SLC16A7: variants seen among roughly 807,000 people sequenced by gnomAD.
The protein encoded by SLC16A7 is solute carrier family 16 member 7, also known as monocarboxylate transporter 2.
Under a neutral mutation model 34.9 loss-of-function variants are expected in SLC16A7, and 33 were observed. That is an observed-to-expected ratio of 0.94 (90% CI 0.72 to 1.26). SLC16A7 has a LOEUF of 1.26. Ranked by LOEUF, SLC16A7 falls within the 50% of genes most tolerant of loss-of-function variation. The pLI is 0.00. For synonymous variants in SLC16A7, 201 were observed against 206.6 expected, an observed-to-expected ratio of 0.97 and a Z score of 0.23; for missense variants, 573 against 578.1, an observed-to-expected ratio of 0.99 and a Z score of 0.09.
intron 3 of SLC16A7, among the ~76,000 whole-genome samples, chr12:59,741,160 C>T (rs1176700100): frequency 2.0e-5 from 3 of 152,014 alleles, no homozygotes; most frequent in Non-Finnish European, 2.9e-5. Flanking sequence ...AGATTCAATG[C>T]CATCCCCATC....
chr12:59,725,345 G>A (rs1057370843), intron 3 of SLC16A7, among the ~76,000 whole-genome samples: 4 of 152,064 alleles, frequency 2.6e-5, no homozygotes, highest in African/African-American at 9.7e-5. Flanking sequence ...AAGAAAGTTA[G>A]GAGTTTTCTG....
chr12:59,644,768 C>G (rs1378615171), intron 1 of SLC16A7, among the ~76,000 whole-genome samples: 1 of 152,150 alleles, frequency 6.6e-6, no homozygotes, highest in African/African-American at 2.4e-5. Context: ...GTTCCTCCCT[C>G]CCCTTTCAAA....
At chr12:59,627,950 T>G (rs1880001437) in intron 1 of SLC16A7, among the ~76,000 whole-genome samples, 2 of 151,284 alleles carry the variant, frequency 1.3e-5, no homozygotes, top group African/African-American at 4.8e-5. Flanking sequence ...TTAATTAATA[T>G]CCACCCAATC....
At chr12:59,626,565 T>G (rs1343088847) in intron 1 of SLC16A7, among the ~76,000 whole-genome samples, 1 of 151,740 alleles carries the variant, frequency 6.6e-6, no homozygotes, top group African/African-American at 2.4e-5. Flanking sequence ...GTAAATACAG[T>G]AGATCCTGAC....
rs753634223 is a variant in SLC16A7 at position 59,779,471 on chromosome 12, G to A, written c.1229G>A (p.Cys410Tyr). 6.2e-7 allele frequency: 1 copy of A among 1,611,386 alleles called. No individual in the cohort carries two copies. The highest frequency in any genetic ancestry group is 8.5e-7 in the Non-Finnish European group (1 of 1,177,844). ...GAATATAAATACATGTACATGTCCT[G>A]TGGGGCTATTGTGGTAGCAGCAAGC... ...TGEYKYMYMS[C>Y]GAIVVAASVW... Residue 410 changes from cysteine to tyrosine, a missense_variant, in exon 6 of 6, where the codon TGT (cysteine) becomes TAT (tyrosine). Physicochemically the swap from Cys to Tyr is radical, Grantham distance 194. Transcript: ENST00000547379.
chr12:59,740,926 C>G (rs906585513), intron 3 of SLC16A7, among the ~76,000 whole-genome samples: 2 of 152,136 alleles, frequency 1.3e-5, no homozygotes, highest in East Asian at 3.9e-4. Context: ...AACAGACAAA[C>G]AGAGAGCCAA....
chr12:59,736,996 T>A (rs1215628180), intron 3 of SLC16A7, among the ~76,000 whole-genome samples: 1 of 152,238 alleles, frequency 6.6e-6, no homozygotes, highest in Non-Finnish European at 1.5e-5. Flanking sequence ...CTTCTCTGAC[T>A]GACTTCCAAT....
chr12:59,751,448 T>A (rs1879544310), intron 3 of SLC16A7, among the ~76,000 whole-genome samples: 1 of 152,218 alleles, frequency 6.6e-6, no homozygotes. Flanking sequence ...ACCAGGAGAT[T>A]ATATCCTGCA....
chr12:59,676,870 G>A (rs557344661), intron 2 of SLC16A7, among the ~76,000 whole-genome samples: 1 of 152,104 alleles, frequency 6.6e-6, no homozygotes, highest in South Asian at 2.1e-4. Context: ...AAGATTTTAA[G>A]TAACATTTGC....
At chr12:59,723,856 C>CT (rs774507817) in intron 3 of SLC16A7, among the ~76,000 whole-genome samples, 4 of 151,834 alleles carry the variant, frequency 2.6e-5, no homozygotes, top group African/African-American at 9.7e-5. Flanking sequence ...GTTTATATTG[C>CT]TTTTTTTGTT....
Position 59,775,125 on chromosome 12 carries a change from TTGA to T in SLC16A7, c.834_836del (p.Asp278del), listed in dbSNP as rs1191427894. Reference sequence around the variant, plus strand: ...GCTCCATATGCTAAAGACCAAGGAATTGATGAGTACTCGGCAGCTTTTCTGCTA... The same window carrying T: ...GCTCCATATGCTAAAGACCAAGGAATTGAGTACTCGGCAGCTTTTCTGCTA... On this transcript the variant is annotated inframe_deletion, in exon 5 of 6. Coordinates refer to ENST00000547379, the MANE Select transcript of SLC16A7 (RefSeq NM_001270623.2). 2 of 1,614,044 alleles carry T rather than the reference TTGA, an allele frequency of 1.2e-6. No individual in the cohort carries two copies. Among genetic ancestry groups the T allele is most frequent in the African/African-American group, 1.3e-5 (1 of 74,940 alleles).
chr12:59,690,895 GTA>G (rs2137095320), intron 2 of SLC16A7, among the ~76,000 whole-genome samples: 1 of 151,650 alleles, frequency 6.6e-6, no homozygotes, highest in African/African-American at 2.4e-5. Context: ...CTTTCCTCAA[GTA>G]TGATAGAAAT....
chr12:59,775,365 T>C lies in SLC16A7; in HGVS notation c.1070T>C (p.Val357Ala), dbSNP rs767720934. 1.2e-6 allele frequency: 2 copies of C among 1,614,014 alleles called. No individual in the cohort carries two copies. The highest frequency in any genetic ancestry group is 2.7e-5 in the African/African-American group (2 of 74,936). Residue 357 changes from valine to alanine, a missense_variant, in exon 5 of 6, where the codon GTT becomes GCT. By Grantham distance (64) the Val-to-Ala change is moderately conservative. Transcript: ENST00000547379. ...FGLGFGSVSS[V>A]LFETLMDLVG... ...CTTGGATTTGGGAGTGTTAGCAGTGTTCTCTTTGAAACTCTCATGGACCTC... is the reference window on the plus strand; with the variant it reads ...CTTGGATTTGGGAGTGTTAGCAGTGCTCTCTTTGAAACTCTCATGGACCTC...
At chr12:59,691,673 A>G (rs182888276) in intron 2 of SLC16A7, among the ~76,000 whole-genome samples, 1 of 152,126 alleles carries the variant, frequency 6.6e-6, no homozygotes, top group East Asian at 1.9e-4. Context: ...ATTCTGTTCT[A>G]CATCTTACTT....
intron 3 of SLC16A7, among the ~76,000 whole-genome samples, chr12:59,738,903 T>G (rs1382985361): frequency 6.6e-6 from 1 of 151,698 alleles, no homozygotes; most frequent in Non-Finnish European, 1.5e-5. Context: ...TAAATTTATA[T>G]CACTTACCCA....
intron 2 of SLC16A7, among the ~76,000 whole-genome samples, chr12:59,673,350 T>A (rs1870043103): frequency 6.6e-6 from 1 of 152,250 alleles, no homozygotes; most frequent in Admixed American, 6.5e-5. Context: ...TGAAGTTGAT[T>A]CTAAAATATA....
chr12:59,606,836 G>T (rs139572354), intron 1 of SLC16A7, among the ~76,000 whole-genome samples: 1 of 151,562 alleles, frequency 6.6e-6, no homozygotes, highest in East Asian at 2.0e-4. Context: ...GTGTGTACGT[G>T]TGTGTATGTG....
chr12:59,691,584 T>C (rs2137097554), intron 2 of SLC16A7, among the ~76,000 whole-genome samples: 1 of 152,120 alleles, frequency 6.6e-6, no homozygotes, highest in South Asian at 2.1e-4. Context: ...GGATACCTCA[T>C]GTTGCTCAGA....
chr12:59,670,425 C>G (rs1869583423), intron 2 of SLC16A7, among the ~76,000 whole-genome samples: 2 of 152,140 alleles, frequency 1.3e-5, no homozygotes, highest in African/African-American at 4.8e-5. Context: ...CCCCCCCCAC[C>G]AAATTTAAGT....
Sources: allele counts gnomAD v4.1 joint callset (sites outside exome capture counted in the v4.1 genomes callset), GRCh38; gene constraint gnomAD v4.1.1; transcripts MANE v1.5; gene names NCBI Gene and HGNC (gene_info 2026-07-23, HGNC 2026-07-21).